Variants in PHYHD1 observed in about 807,000 individuals in gnomAD.
The protein encoded by PHYHD1 is phytanoyl-CoA dioxygenase domain-containing protein 1.
PHYHD1 carries 42 observed loss-of-function variants against 43.6 expected under a neutral mutation model. That is an observed-to-expected ratio of 0.96 (90% CI 0.75 to 1.25). The LOEUF (loss-of-function observed/expected upper bound fraction) is 1.25. PHYHD1 is among the 50% of genes most tolerant of loss of function. The pLI, the probability that PHYHD1 is intolerant of heterozygous loss-of-function variation, is 0.00. For missense variants in PHYHD1, 342 were observed against 370.8 expected (o/e 0.92, Z 0.64); for synonymous variants, 139 against 143.6 (o/e 0.97, Z 0.23).
intron 11 of PHYHD1, 125 bp downstream of exon 11, chr9:128,940,840 A>C: frequency 1.0e-6 from 1 of 954,888 alleles, no homozygotes; most frequent in Admixed American, 2.6e-5. Context: ...CAGAAAGAGA[A>C]GGAGGGGCTG....
intron 8 of PHYHD1, among the ~76,000 whole-genome samples, chr9:128,937,325 C>T (rs1032779981): frequency 3.3e-5 from 5 of 152,122 alleles, no homozygotes; most frequent in Non-Finnish European, 7.4e-5. Context: ...CTCCCTCGGC[C>T]TTCCTCCTCC....
intron 8 of PHYHD1, 50 bp downstream of exon 8, chr9:128,936,695 T>C: frequency 6.5e-7 from 1 of 1,535,826 alleles, no homozygotes; most frequent in African/African-American, 1.4e-5. Context: ...ATGGGCAGAC[T>C]GCTCATACCA....
In PHYHD1 at chr9:128,940,354, C is replaced by T. The variant is rs372241639; in HGVS notation, c.458-15C>T. On this transcript the variant is annotated splice_polypyrimidine_tract_variant and intron_variant, in intron 9 of 12. Transcript: ENST00000372592. ...GCAAAAGGATGAGCTCCTCACCCCC[C>T]GTGGGCCTGCTTAGTCTCCCCTCAT... The T allele has an allele frequency of 2.7e-5, 43 of 1,613,882 alleles. No homozygotes were observed. In the African/African-American group the frequency reaches 2.9e-4, roughly 11 times the overall value.
In PHYHD1 at chr9:128,936,521, T is replaced by C; in HGVS notation, c.372+18T>C. The C allele has an allele frequency of 3.1e-6, 5 of 1,613,098 alleles. No individual in the cohort carries two copies. The Middle Eastern group carries it at 6.6e-4, about 213-fold the overall frequency. ...AGGTGCAGGTGAGCAGAGGTGGGGG[T>C]GAGGGCCAGGAGGGTGGGCCATGTG... On this transcript the variant is annotated intron_variant, in intron 7 of 12. Coordinates refer to ENST00000372592, the MANE Select transcript of PHYHD1 (RefSeq NM_001100876.2).
intron 11 of PHYHD1, 51 bp from the exon 12 acceptor site, chr9:128,941,394 G>T: frequency 1.2e-6 from 2 of 1,602,282 alleles, no homozygotes; most frequent in Non-Finnish European, 1.7e-6. Context: ...CTGCTCTGGG[G>T]AGGGGGGATG....
At chr9:128,927,563 A>G (rs147449820) in intron 4 of PHYHD1, among the ~76,000 whole-genome samples, 2,614 of 152,146 alleles carry the variant, frequency 0.017, 80 homozygotes, top group African/African-American at 0.059. Context: ...TTTAGTAGAG[A>G]CAGGGTTTCA....
rs1020247356 is a variant in PHYHD1, at chr9:128,922,289, G to C, written c.-35G>C. 1 of 1,550,298 alleles carries C rather than the reference G, an allele frequency of 6.5e-7. No individual in the cohort carries two copies. The highest frequency in any genetic ancestry group is 8.7e-7 in the Non-Finnish European group (1 of 1,146,762). Reference sequence around the variant, plus strand: ...ACTTTCTCCTCCCCACCAGGAGGCCGCGCTTAGAAGCCGCCCAGTGCCCTG... The same window carrying C: ...ACTTTCTCCTCCCCACCAGGAGGCCCCGCTTAGAAGCCGCCCAGTGCCCTG... On this transcript the variant is annotated 5_prime_UTR_variant, in exon 3 of 13. Coordinates refer to ENST00000372592, the MANE Select transcript of PHYHD1 (RefSeq NM_001100876.2).
In PHYHD1 at chr9:128,942,018, T is replaced by A; in HGVS notation, c.*305T>A. ...GGTTATTATGGTGTTAGTTATCGAA[T>A]AAAAACGACTTCAGAATGCAGCTTC... is the stretch of plus-strand genomic sequence containing the variant. On this transcript the variant is annotated 3_prime_UTR_variant, in exon 13 of 13. Coordinates refer to ENST00000372592, the MANE Select transcript of PHYHD1 (RefSeq NM_001100876.2). The A allele has an allele frequency of 9.0e-6, 4 of 445,852 alleles. No individual in the cohort carries two copies. The highest frequency in any genetic ancestry group is 3.6e-5 in the East Asian group (1 of 27,468). The allele number at this position is 445,852 out of a possible 1,614,324, so 27.6% of individuals were successfully genotyped here.
Position 128,936,492 on chromosome 9 carries a change from T to G in PHYHD1, c.361T>G (p.Phe121Val). 1 of 1,613,762 alleles carries G rather than the reference T, an allele frequency of 6.2e-7. No individual in the cohort carries two copies. Among genetic ancestry groups the G allele is most frequent in the South Asian group, 1.1e-5 (1 of 90,936 alleles). ...CGTCTTCAAGAGCATCACACACTCCTTCAAGGTGCAGGTGAGCAGAGGTGG... is the reference window on the plus strand; with the variant it reads ...CGTCTTCAAGAGCATCACACACTCCGTCAAGGTGCAGGTGAGCAGAGGTGG... ...DPVFKSITHS[F>V]KVQTLARSLG... Residue 121 changes from phenylalanine to valine, a missense_variant, in exon 7 of 13, where the codon TTC becomes GTC. Physicochemically the swap from Phe to Val is conservative, Grantham distance 50. Transcript: ENST00000372592.
intron 4 of PHYHD1, 192 bp from the exon 5 acceptor site, chr9:128,933,590 A>G: frequency 1.4e-6 from 1 of 695,088 alleles, no homozygotes; most frequent in East Asian, 2.7e-5. Flanking sequence ...CCATGTTTGC[A>G]TCTTTGGGGT....
chr9:128,923,539 T>C (rs1410802161), intron 3 of PHYHD1, among the ~76,000 whole-genome samples: 1 of 152,262 alleles, frequency 6.6e-6, no homozygotes, highest in East Asian at 1.9e-4. Context: ...TTATCAGCTA[T>C]ACTGTGTTCC....
At chr9:128,938,186 T>C (rs573314089) in intron 9 of PHYHD1, among the ~76,000 whole-genome samples, 30 of 152,186 alleles carry the variant, frequency 2.0e-4, no homozygotes, top group African/African-American at 7.0e-4. Context: ...CGCACACCCG[T>C]AGTCCTAGCT....
intron 4 of PHYHD1, among the ~76,000 whole-genome samples, chr9:128,929,498 C>A (rs1841218267): frequency 6.6e-6 from 1 of 150,930 alleles, no homozygotes; most frequent in Non-Finnish European, 1.5e-5. Context: ...CATGGTGAAA[C>A]CCGGTCTCTA....
chr9:128,941,584 GT>G lies in PHYHD1; in HGVS notation c.830+14del. On this transcript the variant is annotated intron_variant, in intron 12 of 12. Transcript: ENST00000372592. ...GCCCGGAGAACTGGTAGGTGACAGG[GT>G]GGGTGTGTGTGCCCGACAGTCCCCT... The G allele has an allele frequency of 6.2e-7, 1 of 1,614,154 alleles. No homozygotes were observed. Among genetic ancestry groups the G allele is most frequent in the South Asian group, 1.1e-5 (1 of 91,086 alleles).
intron 4 of PHYHD1, among the ~76,000 whole-genome samples, chr9:128,928,216 C>T (rs550030304): frequency 6.6e-6 from 1 of 152,252 alleles, no homozygotes; most frequent in South Asian, 2.1e-4. Flanking sequence ...CAGTTTCTTC[C>T]AAAAAGCTGG....
Position 128,927,170 on chromosome 9 carries a change from C to T in PHYHD1, c.166C>T (p.Gln56Ter), listed in dbSNP as rs772006601. Residue 56 changes from glutamine (Q) to a stop codon, truncating the protein, a stop_gained, in exon 4 of 13, where the codon CAG becomes TAG. Coordinates refer to ENST00000372592, the MANE Select transcript of PHYHD1 (RefSeq NM_001100876.2). LOFTEE classifies it high-confidence loss of function. ...CCACTGCCGCACAGAATTCTCCACC[C>T]AGGAAGAGGAGCAGCTTCGAGCCCA... ...PLHCRTEFST[Q>*]EEEQLRAQGS... 3 of 1,614,100 alleles carry T rather than the reference C, an allele frequency of 1.9e-6. No individual in the cohort carries two copies. The highest frequency in any genetic ancestry group is 2.5e-6 in the Non-Finnish European group (3 of 1,180,014).
intron 3 of PHYHD1, 35 bp from the exon 4 acceptor site, chr9:128,927,003 G>A (rs780562201): frequency 6.2e-6 from 10 of 1,614,054 alleles, no homozygotes; most frequent in South Asian, 1.1e-5. Flanking sequence ...AGCATTTGCA[G>A]ACTGGGGAAG....
intron 3 of PHYHD1, among the ~76,000 whole-genome samples, chr9:128,922,820 G>A (rs924682065): frequency 6.6e-6 from 1 of 152,166 alleles, no homozygotes; most frequent in Non-Finnish European, 1.5e-5. Flanking sequence ...AGCTCTAGAA[G>A]CTTTGTTTCA....
At chr9:128,925,755 C>T (rs922723391) in intron 3 of PHYHD1, among the ~76,000 whole-genome samples, 1 of 152,102 alleles carries the variant, frequency 6.6e-6, no homozygotes, top group Non-Finnish European at 1.5e-5. Flanking sequence ...CCTCTTCCAC[C>T]CCTCCCCTCA....
Sources: allele counts gnomAD v4.1 joint callset (sites outside exome capture counted in the v4.1 genomes callset), GRCh38; gene constraint gnomAD v4.1.1; transcripts MANE v1.5; gene names NCBI Gene and HGNC (gene_info 2026-07-23, HGNC 2026-07-21).